MAST4: variants seen among roughly 807,000 people sequenced by gnomAD.
MAST4 encodes microtubule associated serine/threonine kinase family member 4.
In MAST4, 89 loss-of-function variants were observed where a neutral mutation model predicts 162.7. The ratio of observed to expected loss-of-function variants is 0.55; its 90% CI spans 0.46 to 0.65. The LOEUF (loss-of-function observed/expected upper bound fraction) is 0.65. MAST4 is among the 30% of genes least tolerant of loss of function. The probability of loss-of-function intolerance (pLI) is 0.00; values close to 1 mark genes in which losing one functional copy is unlikely to be tolerated. For synonymous variants in MAST4, 1,479 were observed against 1,361.1 expected (o/e 1.09, Z -1.91); for missense variants, 3,153 against 3,374.0 (o/e 0.93, Z 1.62).
chr5:66,900,048 C>A, intron 4 of MAST4, 66 bp downstream of exon 4: 1 of 1,102,360 alleles, frequency 9.1e-7, no homozygotes, highest in Non-Finnish European at 1.2e-6. Context: ...TATGATTCTT[C>A]TCTGATTCAT....
chr5:67,067,730 T>TA (rs959381453), intron 5 of MAST4, among the ~76,000 whole-genome samples: 6 of 151,400 alleles, frequency 4.0e-5, no homozygotes, highest in Admixed American at 1.3e-4. Context: ...TAATGGCATT[T>TA]AAAAAAAAAT....
chr5:66,869,421 C>T (rs1760764074), intron 3 of MAST4, among the ~76,000 whole-genome samples: 1 of 152,110 alleles, frequency 6.6e-6, no homozygotes. Context: ...GTTCTTAAAG[C>T]TTTGGTACAT....
At chr5:66,830,988 T>A (rs1757559167) in intron 3 of MAST4, among the ~76,000 whole-genome samples, 1 of 152,300 alleles carries the variant, frequency 6.6e-6, no homozygotes, top group African/African-American at 2.4e-5. Context: ...CACACCCTCT[T>A]GGTGTCTGTG....
intron 4 of MAST4, chr5:66,916,866 A>T: frequency 1.6e-6 from 1 of 622,550 alleles, no homozygotes; most frequent in Non-Finnish European, 3.0e-6. Context: ...TTTTCCTATT[A>T]ACTGACATTC....
intron 1 of MAST4, among the ~76,000 whole-genome samples, chr5:66,648,083 T>TGAGAGAGAGAGAGAGA (rs375744842): frequency 4.6e-5 from 4 of 87,060 alleles, no homozygotes; most frequent in African/African-American, 1.3e-4. Context: ...TGTGTGTGTG[T>TGAGAGAGAGAGAGAGA]GAGAGAGAGA....
At chr5:66,690,830 ACTGGTGGTT>A (rs1561264853) in intron 1 of MAST4, among the ~76,000 whole-genome samples, 1 of 152,178 alleles carries the variant, frequency 6.6e-6, no homozygotes, top group African/African-American at 2.4e-5. Flanking sequence ...GAAGGTGTTC[ACTGGTGGTT>A]CTGCTGATCA....
chr5:66,651,221 G>T (rs766522473), intron 1 of MAST4, among the ~76,000 whole-genome samples: 1 of 151,730 alleles, frequency 6.6e-6, no homozygotes, highest in Non-Finnish European at 1.5e-5. Context: ...CAGTGTAATA[G>T]CTGCTATTCA....
At chr5:66,701,912 T>C (rs1339222619) in intron 1 of MAST4, among the ~76,000 whole-genome samples, 1 of 152,248 alleles carries the variant, frequency 6.6e-6, no homozygotes, top group Non-Finnish European at 1.5e-5. Flanking sequence ...TTAAAAACTT[T>C]AGAAAATTAA....
In MAST4 at chr5:66,826,417, G is replaced by A. The variant is rs1757258642; in HGVS notation, c.642+37623G>A. ...TCCCAAACACCTCGAGCTGCAGAGT[G>A]CCTAAGATGCATGCACGTCAGCTGA... is the stretch of plus-strand genomic sequence containing the variant. On this transcript the variant is annotated intron_variant, in intron 3 of 28. Transcript: ENST00000403625. Among the ~76,000 whole-genome samples the A allele has an allele frequency of 2.0e-5, 3 of 152,014 alleles. No homozygotes were observed. In the South Asian group the frequency reaches 6.2e-4, roughly 32 times the overall value.
intron 1 of MAST4, among the ~76,000 whole-genome samples, chr5:66,658,986 C>T (rs1320913657): frequency 2.0e-5 from 3 of 152,152 alleles, no homozygotes; most frequent in Non-Finnish European, 2.9e-5. Context: ...TGTACCACTG[C>T]ACTCCAGCCT....
chr5:66,723,021 G>A lies in MAST4; in HGVS notation c.364-36688G>A, dbSNP rs1023559418. On this transcript the variant is annotated intron_variant, in intron 1 of 28. Coordinates refer to ENST00000403625, the MANE Select transcript of MAST4 (RefSeq NM_001164664.2). ...TGAGGGTGTTATAAGCAGAAGCATG[G>A]GTATATTTCTGCCTTTTCATCACAG... 4.6e-5 allele frequency among the ~76,000 whole-genome samples: 7 copies of A among 152,096 alleles called. No homozygotes were observed. In the South Asian group the frequency reaches 1.2e-3, roughly 27 times the overall value.
chr5:66,669,687 C>T (rs959157997), intron 1 of MAST4, among the ~76,000 whole-genome samples: 7 of 152,056 alleles, frequency 4.6e-5, no homozygotes, highest in Admixed American at 1.3e-4. Flanking sequence ...GCTTGCAGTG[C>T]CTGCACTGGA....
intron 4 of MAST4, among the ~76,000 whole-genome samples, chr5:66,917,591 T>C (rs1275575193): frequency 1.3e-5 from 1 of 75,748 alleles, no homozygotes; most frequent in African/African-American, 6.5e-5. Context: ...TAGGATTCTC[T>C]TTCTTTTTTT....
chr5:66,705,805 T>C (rs1305440808), intron 1 of MAST4, among the ~76,000 whole-genome samples: 4 of 152,238 alleles, frequency 2.6e-5, no homozygotes, highest in Admixed American at 1.3e-4. Flanking sequence ...TTGCATATCA[T>C]ATGAATAGCT....
At chr5:66,848,886 G>C (rs112898172) in intron 3 of MAST4, among the ~76,000 whole-genome samples, 2,751 of 152,232 alleles carry the variant, frequency 0.018, 47 homozygotes, top group Non-Finnish European at 0.025. Context: ...TGGGATGTCT[G>C]GTGTGCTCAT....
At chr5:66,981,938 T>C (rs912058323) in intron 4 of MAST4, among the ~76,000 whole-genome samples, 7 of 152,206 alleles carry the variant, frequency 4.6e-5, no homozygotes, top group African/African-American at 1.7e-4. Flanking sequence ...TCATTCTTAC[T>C]CTTTGTTTAT....
intron 2 of MAST4, among the ~76,000 whole-genome samples, chr5:66,768,447 A>G (rs1754207415): frequency 6.6e-6 from 1 of 152,234 alleles, no homozygotes; most frequent in African/African-American, 2.4e-5. Context: ...ATGGAATACT[A>G]CTTGGCAGTA....
intron 6 of MAST4, among the ~76,000 whole-genome samples, chr5:67,090,541 C>T (rs1482250315): frequency 1.4e-5 from 2 of 147,200 alleles, no homozygotes; most frequent in Non-Finnish European, 3.0e-5. Flanking sequence ...CCCCACTGGC[C>T]AAAGAGCTTA....
At chr5:66,844,921 A>G (rs1486336670) in intron 3 of MAST4, among the ~76,000 whole-genome samples, 1 of 151,540 alleles carries the variant, frequency 6.6e-6, no homozygotes, top group Non-Finnish European at 1.5e-5. Context: ...ATGAGCTTGG[A>G]GAGAGAAGGA....
Sources: allele counts gnomAD v4.1 joint callset (sites outside exome capture counted in the v4.1 genomes callset), GRCh38; gene constraint gnomAD v4.1.1; transcripts MANE v1.5; gene names NCBI Gene and HGNC (gene_info 2026-07-23, HGNC 2026-07-21).